The following UBE2E1 variants were observed in gnomAD, a reference collection of about 807,000 sequenced individuals.
UBE2E1 encodes ubiquitin conjugating enzyme E2 E1, also known as ubiquitin-conjugating enzyme E2 E1.
A neutral mutation model predicts 21.4 loss-of-function variants in UBE2E1; 6 were observed. The ratio of observed to expected loss-of-function variants is 0.28; its 90% CI spans 0.15 to 0.55. UBE2E1 has a LOEUF of 0.55. UBE2E1 is among the 20% of genes least tolerant of loss of function. UBE2E1 has a pLI of 0.93. For synonymous variants in UBE2E1, 87 were observed against 82.7 expected, an observed-to-expected ratio of 1.05 and a Z score of -0.28; for missense variants, 142 against 236.5, an observed-to-expected ratio of 0.60 and a Z score of 2.62.
chr3:23,889,588 T>A (rs1701301817), intron 5 of UBE2E1: 2 of 985,290 alleles, frequency 2.0e-6, no homozygotes, highest in Non-Finnish European at 2.4e-6. Context: ...CAGACACTTC[T>A]AAATGTCGAG....
intron 3 of UBE2E1, among the ~76,000 whole-genome samples, chr3:23,855,297 G>A (rs1700410714): frequency 6.6e-6 from 1 of 152,072 alleles, no homozygotes; most frequent in African/African-American, 2.4e-5. Context: ...TATTAAATTA[G>A]TACATCTTGA....
At chr3:23,881,576 T>A (rs1428235583) in intron 3 of UBE2E1, among the ~76,000 whole-genome samples, 1 of 152,194 alleles carries the variant, frequency 6.6e-6, no homozygotes, top group African/African-American at 2.4e-5. Context: ...TTGGCTGGTT[T>A]TAAAAAATCA....
chr3:23,814,810 G>C (rs1390918399), intron 3 of UBE2E1, among the ~76,000 whole-genome samples: 2 of 152,068 alleles, frequency 1.3e-5, no homozygotes, highest in African/African-American at 4.8e-5. Flanking sequence ...AGACTAAATG[G>C]CATATTTTGC....
chr3:23,806,061 G>A lies in UBE2E1; in HGVS notation c.-61G>A, dbSNP rs1699257099. On this transcript the variant is annotated 5_prime_UTR_variant, in exon 1 of 6. Transcript: ENST00000306627. The surrounding 1 kb of genome is among the most constrained non-coding windows in gnomAD (Gnocchi z 6.5). ...CAGCCGCAGCAGCAGCCGCCGCGGC[G>A]GCACGGAGGAGCCAGACACAAAGAG... 6.6e-6 allele frequency: 1 copy of A among 152,146 alleles called. No individual in the cohort carries two copies. The highest frequency in any genetic ancestry group is 2.4e-5 in the African/African-American group (1 of 41,188). The allele number at this position is 152,146 out of a possible 1,614,324, so 9.4% of individuals were successfully genotyped here.
chr3:23,839,018 G>T (rs899285954), intron 3 of UBE2E1, among the ~76,000 whole-genome samples: 2 of 151,522 alleles, frequency 1.3e-5, no homozygotes, highest in East Asian at 3.9e-4. Context: ...CTACGTTCAC[G>T]TGATAATTAT....
At chr3:23,828,824 T>G (rs1699807619) in intron 3 of UBE2E1, among the ~76,000 whole-genome samples, 1 of 152,244 alleles carries the variant, frequency 6.6e-6, no homozygotes, top group Non-Finnish European at 1.5e-5. Context: ...CTTATGTGAT[T>G]TCAGTGTTTT....
intron 3 of UBE2E1, among the ~76,000 whole-genome samples, chr3:23,832,470 C>T (rs1245518405): frequency 6.6e-6 from 1 of 152,150 alleles, no homozygotes; most frequent in Non-Finnish European, 1.5e-5. Context: ...CATGGCAAAA[C>T]CCCATCTCTA....
chr3:23,859,914 A>T lies in UBE2E1; in HGVS notation c.204-27653A>T, dbSNP rs72627035. ...TTATATTATTATAAAGCATATAAGG[A>T]TTTATTTCGTACTCTCATTGTTTCA... On this transcript the variant is annotated intron_variant, in intron 3 of 5. Coordinates refer to ENST00000306627, the MANE Select transcript of UBE2E1 (RefSeq NM_003341.5). 3.6e-3 allele frequency among the ~76,000 whole-genome samples: 546 copies of T among 152,260 alleles called. 16 individuals carry two copies. The East Asian group carries it at 0.049, about 14-fold the overall frequency.
At chr3:23,838,715 G>A (rs550168004) in intron 3 of UBE2E1, among the ~76,000 whole-genome samples, 2 of 151,944 alleles carry the variant, frequency 1.3e-5, no homozygotes, top group Non-Finnish European at 2.9e-5. Flanking sequence ...CAGGCTGTTC[G>A]CAAACTCCTG....
intron 3 of UBE2E1, among the ~76,000 whole-genome samples, chr3:23,872,348 C>G (rs1462995361): frequency 6.8e-6 from 1 of 148,096 alleles, no homozygotes; most frequent in Non-Finnish European, 1.5e-5. Flanking sequence ...GGCTCGGCAT[C>G]AGAGGGAGAC....
At position 23,891,360 on chromosome 3, in the gene UBE2E1, C is replaced by T. The variant is rs1034529571; in HGVS notation, c.*754C>T. ...TTTCTTTTGCCTTTTGGTTGCCATT[C>T]GCAGATTCTTCTGAAATCGATAGGT... On this transcript the variant is annotated 3_prime_UTR_variant, in exon 6 of 6. Coordinates refer to ENST00000306627, the MANE Select transcript of UBE2E1 (RefSeq NM_003341.5). The T allele has an allele frequency of 2.0e-5, 3 of 152,130 alleles. No individual in the cohort carries two copies. The highest frequency in any genetic ancestry group is 7.2e-5 in the African/African-American group (3 of 41,430). 9.4% of individuals were successfully genotyped at this position (152,130 alleles called of 1,614,324 possible).
intron 3 of UBE2E1, among the ~76,000 whole-genome samples, chr3:23,875,603 A>G (rs1044006047): frequency 2.0e-5 from 3 of 152,210 alleles, no homozygotes; most frequent in Admixed American, 6.5e-5. Context: ...CCATTTCCTC[A>G]GTGTTGTTGT....
Position 23,836,401 on chromosome 3 carries a change from A to G in UBE2E1, c.203+24891A>G, listed in dbSNP as rs371360532. ...ATGTCTTCCACATGCCATGTGCTGTACTGGGGAAGACATAAACAGGAGAGA... is the reference window on the plus strand; with the variant it reads ...ATGTCTTCCACATGCCATGTGCTGTGCTGGGGAAGACATAAACAGGAGAGA... On this transcript the variant is annotated intron_variant, in intron 3 of 5. Coordinates refer to ENST00000306627, the MANE Select transcript of UBE2E1 (RefSeq NM_003341.5). The surrounding 1 kb of genome is among the most constrained non-coding windows in gnomAD (Gnocchi z 4.1). Among the ~76,000 whole-genome samples, 3 of 152,328 alleles carry G rather than the reference A, an allele frequency of 2.0e-5. No individual in the cohort carries two copies. The highest frequency in any genetic ancestry group is 2.1e-4 in the South Asian group (1 of 4,830).
At chr3:23,811,833 G>T (rs2125279971) in intron 3 of UBE2E1, among the ~76,000 whole-genome samples, 1 of 152,300 alleles carries the variant, frequency 6.6e-6, no homozygotes, top group South Asian at 2.1e-4. Context: ...AAACCTTTCA[G>T]ATGCGAAGGA....
chr3:23,882,901 C>G (rs1325081660), intron 3 of UBE2E1, among the ~76,000 whole-genome samples: 4 of 152,192 alleles, frequency 2.6e-5, no homozygotes, highest in Admixed American at 6.5e-5. Flanking sequence ...AGCCCCAGTT[C>G]CCACCCGCGC....
chr3:23,881,418 G>C (rs1181605108), intron 3 of UBE2E1, among the ~76,000 whole-genome samples: 2 of 152,092 alleles, frequency 1.3e-5, no homozygotes, highest in Non-Finnish European at 1.5e-5. Flanking sequence ...GAAAGGTATA[G>C]GCATGGTCTC....
rs141710337 is a variant in UBE2E1, at chr3:23,872,573, G to A, written c.204-14994G>A. 3.0e-3 allele frequency among the ~76,000 whole-genome samples: 448 copies of A among 151,858 alleles called. 1 individual carries two copies. Among genetic ancestry groups the A allele is most frequent in the African/African-American group, 0.01 (434 of 41,352 alleles). On this transcript the variant is annotated intron_variant, in intron 3 of 5. Coordinates refer to ENST00000306627, the MANE Select transcript of UBE2E1 (RefSeq NM_003341.5). ...ATTACACTCTTAAAATTTATTTCAGGCCCCAGCAGCTTTTGATTATATGGT... is the reference window on the plus strand; with the variant it reads ...ATTACACTCTTAAAATTTATTTCAGACCCCAGCAGCTTTTGATTATATGGT...
chr3:23,814,211 C>T (rs989559284), intron 3 of UBE2E1, among the ~76,000 whole-genome samples: 1 of 152,036 alleles, frequency 6.6e-6, no homozygotes, highest in African/African-American at 2.4e-5. Context: ...AAGGAAGGTG[C>T]ACTGTTTGTG....
intron 3 of UBE2E1, among the ~76,000 whole-genome samples, chr3:23,886,256 A>G (rs1041294913): frequency 6.6e-6 from 1 of 152,214 alleles, no homozygotes; most frequent in Admixed American, 6.5e-5. Flanking sequence ...ACCCATCACA[A>G]AGAGATATTA....
Sources: gnomAD v4.1 joint callset for allele counts (sites outside exome capture counted in the v4.1 genomes callset) on GRCh38, gnomAD v4.1.1 for gene constraint, Gnocchi (gnomAD v3.1) non-coding constraint, MANE v1.5 for transcripts, NCBI Gene and HGNC (gene_info 2026-07-23, HGNC 2026-07-21) for gene names.